Variants in TSPAN19 observed in about 807,000 individuals in gnomAD.
TSPAN19 encodes tetraspanin-19.
TSPAN19 carries 44 observed loss-of-function variants against 35.1 expected under a neutral mutation model. That is an observed-to-expected ratio of 1.25 (90% CI 0.98 to 1.61). The LOEUF (loss-of-function observed/expected upper bound fraction) is 1.61. TSPAN19 is among the 40% of genes most tolerant of loss of function. TSPAN19 has a pLI of 0.00. For missense variants in TSPAN19, 290 were observed against 280.0 expected, an observed-to-expected ratio of 1.04 and a Z score of -0.26; for synonymous variants, 79 against 92.0, an observed-to-expected ratio of 0.86 and a Z score of 0.81.
chr12:85,017,280 G>T, intron 7 of TSPAN19, 176 bp downstream of exon 7: 1 of 591,012 alleles, frequency 1.7e-6, no homozygotes, highest in Non-Finnish European at 2.9e-6. Context: ...TTATACACTG[G>T]AAATGACACT....
intron 8 of TSPAN19, 64 bp from the exon 9 acceptor site, chr12:85,014,619 T>C (rs1876689055): frequency 8.1e-7 from 1 of 1,230,184 alleles, no homozygotes; most frequent in East Asian, 2.4e-5. Context: ...TTTGCAAAGT[T>C]AACAATATAT....
intron 6 of TSPAN19, 46 bp from the exon 7 acceptor site, chr12:85,017,645 C>A (rs1246724824): frequency 4.2e-6 from 6 of 1,432,388 alleles, no homozygotes; most frequent in Non-Finnish European, 5.6e-6. Flanking sequence ...GTTCAAAATG[C>A]AGTTAATTAT....
At chr12:85,034,374 T>C (rs559048161) in intron 1 of TSPAN19, among the ~76,000 whole-genome samples, 1 of 152,312 alleles carries the variant, frequency 6.6e-6, no homozygotes, top group South Asian at 2.1e-4. Context: ...CAAAGGAATA[T>C]TAGTCTTGTC....
intron 7 of TSPAN19, 47 bp from the exon 8 acceptor site, chr12:85,016,018 T>G (rs759932093): frequency 1.5e-5 from 18 of 1,162,962 alleles, no homozygotes; most frequent in Non-Finnish European, 2.2e-5. Flanking sequence ...GGAAATGATC[T>G]TATACATAAA....
chr12:85,035,641 C>T (rs961406338), intron 1 of TSPAN19, among the ~76,000 whole-genome samples: 2 of 150,662 alleles, frequency 1.3e-5, no homozygotes, highest in Non-Finnish European at 3.0e-5. Flanking sequence ...AATTTAATGC[C>T]TTATTTGCAA....
At chr12:85,021,898 C>T (rs1391619170) in intron 5 of TSPAN19, among the ~76,000 whole-genome samples, 1 of 152,028 alleles carries the variant, frequency 6.6e-6, no homozygotes, top group Non-Finnish European at 1.5e-5. Flanking sequence ...ACTTACAGTG[C>T]TTCTTTAGGG....
At chr12:85,022,324 T>C (rs1404597945) in intron 5 of TSPAN19, among the ~76,000 whole-genome samples, 1 of 152,044 alleles carries the variant, frequency 6.6e-6, no homozygotes, top group African/African-American at 2.4e-5. Flanking sequence ...AGCTGTCCAG[T>C]AAAGAATGAA....
At chr12:85,023,136 C>T (rs1369490264) in intron 5 of TSPAN19, among the ~76,000 whole-genome samples, 190 bp downstream of exon 5, 1 of 152,014 alleles carries the variant, frequency 6.6e-6, no homozygotes, top group Non-Finnish European at 1.5e-5. Context: ...GCAAGTTCCC[C>T]TATCTACCCT....
Position 85,030,467 on chromosome 12 carries a change from G to C in TSPAN19, c.-27-494C>G, listed in dbSNP as rs1877632538. On this transcript the variant is annotated intron_variant, in intron 1 of 8. Coordinates refer to ENST00000532498, the MANE Select transcript of TSPAN19 (RefSeq NM_001100917.2). ...AATATTAGCTCCTCACTGAGGTGTT[G>C]GTTTGGGGATCTTTCTCTTAACCCA... is the stretch of plus-strand genomic sequence containing the variant. Among the ~76,000 whole-genome samples, 9 of 152,082 alleles carry C rather than the reference G, an allele frequency of 5.9e-5. No individual in the cohort carries two copies. The South Asian group carries it at 1.9e-3, about 32-fold the overall frequency.
Position 85,023,395 on chromosome 12 carries a change from T to C in TSPAN19, c.270A>G (p.Ala90=), listed in dbSNP as rs1877228129. The change falls in exon 5 of 9, where the codon GCA becomes GCG. Residue 90 remains alanine, a synonymous_variant. Coordinates refer to ENST00000532498, the MANE Select transcript of TSPAN19 (RefSeq NM_001100917.2). ...NEIRWLLIVY[A]VLITWTFAVQ... is the part of the protein sequence containing the mutation. ...CAGCAAAGGTCCATGTTATCAATAC[T>C]GCATACTAAAACAAAAGAAAAATAG... is the stretch of plus-strand genomic sequence containing the variant. The C allele has an allele frequency of 6.3e-7, 1 of 1,578,328 alleles. No individual in the cohort carries two copies. Among genetic ancestry groups the C allele is most frequent in the African/African-American group, 1.3e-5 (1 of 74,452 alleles).
intron 4 of TSPAN19, among the ~76,000 whole-genome samples, chr12:85,023,662 T>C (rs1182411169): frequency 6.6e-6 from 1 of 152,166 alleles, no homozygotes; most frequent in Admixed American, 6.5e-5. Context: ...GAGTTGTCGA[T>C]GATGCCATCT....
At chr12:85,022,211 A>G (rs2135801584) in intron 5 of TSPAN19, among the ~76,000 whole-genome samples, 1 of 152,142 alleles carries the variant, frequency 6.6e-6, no homozygotes, top group East Asian at 1.9e-4. Flanking sequence ...AAACTCACAC[A>G]CACACAAACA....
At chr12:85,028,505 T>C (rs139914376) in intron 3 of TSPAN19, among the ~76,000 whole-genome samples, 71 of 152,314 alleles carry the variant, frequency 4.7e-4, no homozygotes, top group African/African-American at 1.7e-3. Context: ...AGATTATATA[T>C]ATTTATCCAG....
chr12:85,033,905 C>T (rs897204220), intron 1 of TSPAN19, among the ~76,000 whole-genome samples: 3 of 152,078 alleles, frequency 2.0e-5, no homozygotes, highest in South Asian at 2.1e-4. Flanking sequence ...TGTTAGTTAT[C>T]TCGTTATATC....
At chr12:85,019,593 T>C (rs1415584822) in intron 6 of TSPAN19, 33 bp downstream of exon 6, 3 of 1,342,074 alleles carry the variant, frequency 2.2e-6, no homozygotes, top group Non-Finnish European at 3.2e-6. Context: ...TGGTCAATAC[T>C]GACATCTAAT....
chr12:85,035,587 T>A (rs1294480471), intron 1 of TSPAN19, among the ~76,000 whole-genome samples: 1 of 152,156 alleles, frequency 6.6e-6, no homozygotes, highest in Non-Finnish European at 1.5e-5. Context: ...TTTTAGCTTA[T>A]TTTATAGCAG....
chr12:85,023,592 A>C (rs1200824210), intron 4 of TSPAN19, among the ~76,000 whole-genome samples, 192 bp from the exon 5 acceptor site: 2 of 152,162 alleles, frequency 1.3e-5, no homozygotes, highest in Non-Finnish European at 2.9e-5. Flanking sequence ...ACAAATGAAC[A>C]TTTGGATAAG....
intron 1 of TSPAN19, among the ~76,000 whole-genome samples, chr12:85,031,043 C>A (rs1052613494): frequency 9.2e-5 from 14 of 152,016 alleles, no homozygotes; most frequent in Non-Finnish European, 1.9e-4. Flanking sequence ...CTGAAGGATC[C>A]TTTGAAAAGT....
Position 85,027,965 on chromosome 12 carries a change from A to G in TSPAN19, c.198T>C (p.Ser66=), listed in dbSNP as rs182384715. 4.7e-4 allele frequency: 750 copies of G among 1,602,478 alleles called. 8 individuals are homozygous for G. The African/African-American group carries it at 9.2e-3, about 20-fold the overall frequency. ...ISQILIGMGS[S]TVLFCLLGYI... ...AACCCAATAGACAAAAAAGAACAGT[A>G]GAAGATCCCATTCCAATCAAAATTT... Residue 66 remains serine, a synonymous_variant, in exon 4 of 9, where the codon TCT becomes TCC. Transcript: ENST00000532498.
Sources: allele counts gnomAD v4.1 joint callset (sites outside exome capture counted in the v4.1 genomes callset), GRCh38; gene constraint gnomAD v4.1.1; transcripts MANE v1.5; gene names NCBI Gene and HGNC (gene_info 2026-07-23, HGNC 2026-07-21).